The following TOP1 variants were observed in gnomAD, a reference collection of about 807,000 sequenced individuals.
The protein encoded by TOP1 is DNA topoisomerase 1.
TOP1 carries 10 observed loss-of-function variants against 111.1 expected under a neutral mutation model. That is an observed-to-expected ratio of 0.09 (90% CI 0.06 to 0.15). The LOEUF is 0.15. Ranked by LOEUF, TOP1 falls within the 10% of genes least tolerant of loss-of-function variation. TOP1 has a pLI of 1.00. For synonymous variants in TOP1, 271 were observed against 302.9 expected (o/e 0.89, Z 1.10); for missense variants, 474 against 926.7 (o/e 0.51, Z 6.34).
intron 8 of TOP1, among the ~76,000 whole-genome samples, chr20:41,086,524 G>A (rs997485779): frequency 4.6e-5 from 7 of 152,212 alleles, no homozygotes; most frequent in Admixed American, 1.3e-4. Context: ...GGAGCTCCCT[G>A]CTGTCTCCCC....
Position 41,028,930 on chromosome 20 carries a change from C to G in TOP1, c.-138C>G. The G allele has an allele frequency of 1.5e-6, 1 of 686,736 alleles. No individual in the cohort carries two copies. Among genetic ancestry groups the G allele is most frequent in the Admixed American group, 2.6e-5 (1 of 38,572 alleles). 42.5% of individuals were successfully genotyped at this position (686,736 alleles called of 1,614,324 possible). A position where few individuals can be genotyped will look rare whatever the true frequency, so the allele number is the denominator to read the frequency against. On this transcript the variant is annotated 5_prime_UTR_variant, in exon 1 of 21. Coordinates refer to ENST00000361337, the MANE Select transcript of TOP1 (RefSeq NM_003286.4). ...TAGCAGCCTCAGCCGTTTCTGGAGT[C>G]TCGGGCCCACAGTCACCGCCGCTTA...
intron 18 of TOP1, among the ~76,000 whole-genome samples, chr20:41,119,983 C>A (rs895155638): frequency 6.6e-6 from 1 of 152,230 alleles, no homozygotes; most frequent in African/African-American, 2.4e-5. Context: ...TTGTTGCTCT[C>A]GCTCTGGAAC....
Position 41,115,343 on chromosome 20 carries a change from A to G in TOP1, c.1639-28A>G. On this transcript the variant is annotated intron_variant, in intron 15 of 20. Transcript: ENST00000361337. The surrounding 1 kb of genome is among the most constrained non-coding windows in gnomAD (Gnocchi z 6.3). ...AAAGTTAGGATTTTTTTCAAGAGTA[A>G]TAATTAGGATTCACTTATATCTTTT... 3 of 1,525,230 alleles carry G rather than the reference A, an allele frequency of 2.0e-6. No homozygotes were observed. The highest frequency in any genetic ancestry group is 1.7e-5 in the Admixed American group (1 of 59,268). 94.5% of individuals were successfully genotyped at this position (1,525,230 alleles called of 1,614,324 possible). A position where few individuals can be genotyped will look rare whatever the true frequency, so the allele number is the denominator to read the frequency against.
rs2034364307 is a variant in TOP1 at position 41,118,156 on chromosome 20, C to T, written c.1823-13C>T. The stretch of plus-strand genomic sequence containing the variant: ...AAACTGACCCTCTTGCTACCATGTT[C>T]CTTTCTTTACAGCGGATGAGAACAT... On this transcript the variant is annotated splice_polypyrimidine_tract_variant and intron_variant, in intron 17 of 20. Transcript: ENST00000361337. The surrounding 1 kb of genome is among the most constrained non-coding windows in gnomAD (Gnocchi z 4.6). 1 of 1,612,152 alleles carries T rather than the reference C, an allele frequency of 6.2e-7. No individual in the cohort carries two copies. The highest frequency in any genetic ancestry group is 1.1e-5 in the South Asian group (1 of 90,962).
At chr20:41,062,428 G>A (rs954034967) in intron 3 of TOP1, among the ~76,000 whole-genome samples, 16 of 152,094 alleles carry the variant, frequency 1.1e-4, no homozygotes, top group Admixed American at 8.5e-4. Context: ...ACATTTCTTT[G>A]GGAATCATGT....
intron 3 of TOP1, chr20:41,073,544 C>A: frequency 1.1e-6 from 1 of 879,444 alleles, no homozygotes; most frequent in Non-Finnish European, 1.4e-6. Context: ...TGTTTCTTAA[C>A]ACCAGTATAC....
At position 41,029,154 on chromosome 20, in the gene TOP1, A is replaced by G; in HGVS notation, c.33+54A>G. ...CGGACCCCGGCCTGGCCGTCCCGCG[A>G]CCCCCGGCGCAGGCCCCGACCCCAG... On this transcript the variant is annotated intron_variant, in intron 1 of 20. Transcript: ENST00000361337. The surrounding 1 kb of genome is among the most constrained non-coding windows in gnomAD (Gnocchi z 6.1). The G allele has an allele frequency of 1.5e-6, 2 of 1,366,720 alleles. No individual in the cohort carries two copies. The highest frequency in any genetic ancestry group is 3.2e-5 in the Admixed American group (1 of 31,306). 84.7% of individuals were successfully genotyped at this position (1,366,720 alleles called of 1,614,324 possible).
chr20:41,120,945 G>T (rs1270653706), intron 18 of TOP1, among the ~76,000 whole-genome samples: 9 of 152,182 alleles, frequency 5.9e-5, no homozygotes, highest in Non-Finnish European at 1.2e-4. Flanking sequence ...GTTTCACCGT[G>T]TTAGCCAGGA....
chr20:41,084,314 T>C (rs2033822096), intron 7 of TOP1, 148 bp from the exon 8 acceptor site: 3 of 424,620 alleles, frequency 7.1e-6, no homozygotes, highest in South Asian at 4.8e-5. Flanking sequence ...TACATTGTTA[T>C]TCATCTGTCA....
Position 41,086,219 on chromosome 20 carries a change from C to T in TOP1, c.614+1651C>T, listed in dbSNP as rs563329104. Among the ~76,000 whole-genome samples, 6 of 150,958 alleles carry T rather than the reference C, an allele frequency of 4.0e-5. No individual in the cohort carries two copies. In the East Asian group the frequency reaches 9.7e-4, roughly 24 times the overall value. On this transcript the variant is annotated intron_variant, in intron 8 of 20. Transcript: ENST00000361337. ...CGGAGGTTGCAGTGAGCTGAGATCA[C>T]GCCACCGCACTCCAGCCTGGGCGAC...
rs921193815 is a variant in TOP1 at position 41,114,684 on chromosome 20, A to G, written c.1638+529A>G. Among the ~76,000 whole-genome samples, 2 of 152,202 alleles carry G rather than the reference A, an allele frequency of 1.3e-5. No individual in the cohort carries two copies. The highest frequency in any genetic ancestry group is 4.8e-5 in the African/African-American group (2 of 41,444). On this transcript the variant is annotated intron_variant, in intron 15 of 20. Coordinates refer to ENST00000361337, the MANE Select transcript of TOP1 (RefSeq NM_003286.4). This position sits in a 1 kb window ranked among gnomAD's most constrained non-coding sequence, Gnocchi z 4.5. ...TTTCATCTTTGCTCAGCCTTTCTCC[A>G]ACTCCTGACTGAGTGAAAGGTTAAT... is the stretch of plus-strand genomic sequence containing the variant.
Position 41,121,528 on chromosome 20 carries a change from A to G in TOP1, c.1951-168A>G, listed in dbSNP as rs1406108143. ...TGAAGAACAAATAGTTGAATTCACT[A>G]GTCCTTGTGCATCTTCTCCCTGCCT... On this transcript the variant is annotated intron_variant, in intron 18 of 20. Coordinates refer to ENST00000361337, the MANE Select transcript of TOP1 (RefSeq NM_003286.4). The surrounding 1 kb of genome is among the most constrained non-coding windows in gnomAD (Gnocchi z 4.2). Among the ~76,000 whole-genome samples the G allele has an allele frequency of 1.3e-5, 2 of 152,120 alleles. No individual in the cohort carries two copies. The highest frequency in any genetic ancestry group is 2.9e-5 in the Non-Finnish European group (2 of 68,032).
chr20:41,119,074 A>G (rs2034379191), intron 18 of TOP1, among the ~76,000 whole-genome samples: 1 of 152,242 alleles, frequency 6.6e-6, no homozygotes, highest in Admixed American at 6.5e-5. Flanking sequence ...AACAAATTAT[A>G]TTGAAATACA....
At chr20:41,060,076 A>G (rs909085243) in intron 2 of TOP1, among the ~76,000 whole-genome samples, 2 of 152,242 alleles carry the variant, frequency 1.3e-5, no homozygotes, top group African/African-American at 4.8e-5. Flanking sequence ...TGAATTTTTG[A>G]TGGAGATATA....
chr20:41,096,889 G>A (rs1374021647), intron 9 of TOP1, among the ~76,000 whole-genome samples: 1 of 152,162 alleles, frequency 6.6e-6, no homozygotes, highest in African/African-American at 2.4e-5. Context: ...AACCATTGAA[G>A]AGGTGTAAAG....
At chr20:41,074,993 C>T (rs1213372828) in intron 3 of TOP1, among the ~76,000 whole-genome samples, 1 of 152,182 alleles carries the variant, frequency 6.6e-6, no homozygotes, top group African/African-American at 2.4e-5. Flanking sequence ...GTCATAAACA[C>T]TTTCCAAATG....
intron 2 of TOP1, among the ~76,000 whole-genome samples, chr20:41,052,760 G>A (rs879601506): frequency 1.3e-5 from 2 of 152,162 alleles, no homozygotes; most frequent in Non-Finnish European, 2.9e-5. Context: ...GGAGGCCAAG[G>A]CAGGTATATC....
At position 41,080,154 on chromosome 20, in the gene TOP1, A is replaced by G; in HGVS notation, c.405A>G (p.Pro135=). 1 of 1,608,382 alleles carries G rather than the reference A, an allele frequency of 6.2e-7. No homozygotes were observed. The highest frequency in any genetic ancestry group is 8.5e-7 in the Non-Finnish European group (1 of 1,177,036). ...TTCCTCCTAAAGAGGATATAAAGCCATTAAAGAGACCTCGAGATGAGGATG... is the reference window on the plus strand; with the variant it reads ...TTCCTCCTAAAGAGGATATAAAGCCGTTAAAGAGACCTCGAGATGAGGATG... ...YFVPPKEDIK[P]LKRPRDEDDA... The change falls in exon 6 of 21, where the codon CCA becomes CCG. Residue 135 remains proline, a synonymous_variant. Coordinates refer to ENST00000361337, the MANE Select transcript of TOP1 (RefSeq NM_003286.4). This position sits in a 1 kb window ranked among gnomAD's most constrained non-coding sequence, Gnocchi z 5.0.
intron 2 of TOP1, among the ~76,000 whole-genome samples, chr20:41,048,184 A>G (rs2033357514): frequency 6.6e-6 from 1 of 152,078 alleles, no homozygotes; most frequent in Admixed American, 6.6e-5. Flanking sequence ...AGAAACTGAA[A>G]ATAAAATCAG....
Sources: gnomAD v4.1 joint callset for allele counts (sites outside exome capture counted in the v4.1 genomes callset) on GRCh38, gnomAD v4.1.1 for gene constraint, Gnocchi (gnomAD v3.1) non-coding constraint, MANE v1.5 for transcripts, NCBI Gene and HGNC (gene_info 2026-07-23, HGNC 2026-07-21) for gene names.